Variants in NPAS2 observed in about 807,000 individuals in gnomAD.
NPAS2 encodes neuronal PAS domain protein 2.
NPAS2 carries 23 observed loss-of-function variants against 107.5 expected under a neutral mutation model. The ratio of observed to expected loss-of-function variants is 0.21; its 90% CI spans 0.15 to 0.30. The LOEUF is 0.30. NPAS2 is among the 10% of genes least tolerant of loss of function. The pLI is 1.00. For missense variants in NPAS2, 756 were observed against 1,043.3 expected (o/e 0.72, Z 3.79); for synonymous variants, 403 against 417.5 (o/e 0.97, Z 0.42).
chr2:100,969,177 CTT>C (rs544361522), intron 11 of NPAS2, among the ~76,000 whole-genome samples: 11 of 140,848 alleles, frequency 7.8e-5, no homozygotes, highest in Non-Finnish European at 7.8e-5. Context: ...GCATGCCTTT[CTT>C]TTTTTTTTTT....
intron 1 of NPAS2, among the ~76,000 whole-genome samples, chr2:100,864,593 C>T (rs1388593801): frequency 6.6e-6 from 1 of 152,120 alleles, no homozygotes; most frequent in Non-Finnish European, 1.5e-5. Flanking sequence ...AAATGGTTGA[C>T]AAGTCTTTTA....
chr2:100,937,896 A>C (rs1356801531), intron 5 of NPAS2, 54 bp downstream of exon 5: 1 of 1,318,704 alleles, frequency 7.6e-7, no homozygotes, highest in Non-Finnish European at 1.1e-6. Context: ...GTTTCTGTTG[A>C]GAATCATTAG....
At chr2:100,840,570 T>C (rs1677335259) in intron 1 of NPAS2, among the ~76,000 whole-genome samples, 1 of 151,954 alleles carries the variant, frequency 6.6e-6, no homozygotes, top group Non-Finnish European at 1.5e-5. Flanking sequence ...GTAGCCGCTT[T>C]ATACCCTGGA....
chr2:100,881,906 T>C (rs977292476), intron 1 of NPAS2, among the ~76,000 whole-genome samples: 12 of 152,078 alleles, frequency 7.9e-5, no homozygotes, highest in African/African-American at 2.7e-4. Context: ...CTGCTTCAGC[T>C]CTCTGTGACA....
intron 5 of NPAS2, among the ~76,000 whole-genome samples, chr2:100,943,154 T>A (rs1387321095): frequency 6.6e-6 from 1 of 152,196 alleles, no homozygotes; most frequent in Non-Finnish European, 1.5e-5. Context: ...GTGGCACCAG[T>A]CTGCCCTGCA....
chr2:100,884,198 G>GT (rs2104653642), intron 1 of NPAS2, among the ~76,000 whole-genome samples: 1 of 152,206 alleles, frequency 6.6e-6, no homozygotes, highest in African/African-American at 2.4e-5. Flanking sequence ...ATATTTGTCA[G>GT]TATTTTAAGT....
intron 4 of NPAS2, among the ~76,000 whole-genome samples, chr2:100,935,894 A>G (rs542127863): frequency 2.0e-5 from 3 of 152,200 alleles, no homozygotes; most frequent in Non-Finnish European, 4.4e-5. Flanking sequence ...ATCTTGCACT[A>G]TGGTCATTTT....
intron 1 of NPAS2, among the ~76,000 whole-genome samples, chr2:100,874,240 C>T (rs1444516490): frequency 2.0e-5 from 3 of 152,028 alleles, no homozygotes; most frequent in Non-Finnish European, 4.4e-5. Context: ...CTGCCTCGGC[C>T]TCCCAAAGTA....
intron 1 of NPAS2, among the ~76,000 whole-genome samples, chr2:100,850,659 A>G (rs1678105398): frequency 1.3e-5 from 2 of 152,182 alleles, no homozygotes; most frequent in Admixed American, 1.3e-4. Context: ...TCAGCCTTAA[A>G]AACGAAGGAC....
intron 1 of NPAS2, among the ~76,000 whole-genome samples, chr2:100,901,905 A>G (rs1681808302): frequency 6.6e-6 from 1 of 151,970 alleles, no homozygotes; most frequent in South Asian, 2.1e-4. Context: ...GTGACTGTCT[A>G]CGCCACGTAG....
intron 16 of NPAS2, chr2:100,984,899 G>A (rs1677691414): frequency 6.6e-6 from 1 of 151,990 alleles, no homozygotes; most frequent in Non-Finnish European, 1.5e-5. Context: ...TGGGTTATGA[G>A]GAAGAAGTCC....
At chr2:100,903,107 T>C (rs1438987967) in intron 1 of NPAS2, among the ~76,000 whole-genome samples, 4 of 152,206 alleles carry the variant, frequency 2.6e-5, no homozygotes, top group Non-Finnish European at 5.9e-5. Context: ...GAGAGTGGAC[T>C]GAGGAGCAGC....
rs548020277 is a variant in NPAS2, at chr2:100,971,042, C to T, written c.1108C>T (p.Pro370Ser). 26 of 1,614,166 alleles carry T rather than the reference C, an allele frequency of 1.6e-5. No homozygotes were observed. The African/African-American group carries it at 2.4e-4, about 15-fold the overall frequency. Residue 370 changes from proline to serine, a missense_variant, in exon 12 of 21, where the codon CCA (proline) becomes TCA (serine). Around this residue, in one of 4 missense-constraint regions of NPAS2, gnomAD observed 496 missense variants for 594.4 expected, o/e 0.83. Coordinates refer to ENST00000335681, the MANE Select transcript of NPAS2 (RefSeq NM_002518.4). ...RRQELALEDP[P>S]SEALHSSALK... is the part of the protein sequence containing the mutation. ...GCAGGAGCTGGCTCTGGAAGACCCG[C>T]CATCCGAGGCCCTCCACTCCTCAGC...
chr2:100,986,990 G>T (rs144683027), intron 16 of NPAS2: 1 of 152,192 alleles, frequency 6.6e-6, no homozygotes. Context: ...AGGCTGGAGC[G>T]CAGTGGCACG....
intron 1 of NPAS2, among the ~76,000 whole-genome samples, chr2:100,874,001 A>T (rs1679791905): frequency 6.6e-6 from 1 of 150,402 alleles, no homozygotes; most frequent in African/African-American, 2.4e-5. Flanking sequence ...TTTTTTTGAG[A>T]TGGAGTCTTG....
chr2:100,983,384 G>A (rs1353447423), intron 16 of NPAS2: 1 of 152,276 alleles, frequency 6.6e-6, no homozygotes, highest in Non-Finnish European at 1.5e-5. Flanking sequence ...AGGTGTCTGG[G>A]GGCTTAGGGA....
intron 1 of NPAS2, among the ~76,000 whole-genome samples, chr2:100,885,269 G>C (rs1680626595): frequency 6.6e-6 from 1 of 152,138 alleles, no homozygotes; most frequent in South Asian, 2.1e-4. Flanking sequence ...TATTCTTAAT[G>C]AAAGAGGGAA....
At chr2:100,888,281 C>G (rs1035883826) in intron 1 of NPAS2, among the ~76,000 whole-genome samples, 7 of 152,106 alleles carry the variant, frequency 4.6e-5, no homozygotes, top group Non-Finnish European at 7.4e-5. Flanking sequence ...AGGGTGGGAC[C>G]CATGCCTGTG....
In NPAS2 at chr2:100,930,315, C is replaced by T. The variant is rs371722968; in HGVS notation, c.182-2595C>T. Reference sequence around the variant, plus strand: ...CCCTATTGAACAGGGTAATATATACCCAGGACAGCTGTGGAATTTCTGCTC... The same window carrying T: ...CCCTATTGAACAGGGTAATATATACTCAGGACAGCTGTGGAATTTCTGCTC... On this transcript the variant is annotated intron_variant, in intron 3 of 20. Coordinates refer to ENST00000335681, the MANE Select transcript of NPAS2 (RefSeq NM_002518.4). 6.6e-5 allele frequency among the ~76,000 whole-genome samples: 10 copies of T among 152,198 alleles called. No individual in the cohort carries two copies. In the East Asian group the frequency reaches 9.6e-4, roughly 15 times the overall value.
Sources: allele counts gnomAD v4.1 joint callset (sites outside exome capture counted in the v4.1 genomes callset), GRCh38; gene constraint gnomAD v4.1.1; regional missense constraint gnomAD v4.1.1; transcripts MANE v1.5; gene names NCBI Gene and HGNC (gene_info 2026-07-23, HGNC 2026-07-21).